C8A: variants seen among roughly 807,000 people sequenced by gnomAD.
C8A encodes the protein complement component C8 alpha chain.
In C8A, 67 loss-of-function variants were observed where a neutral mutation model predicts 65.3. That is an observed-to-expected ratio of 1.03 (90% CI 0.84 to 1.26). The LOEUF is 1.26. Ranked by LOEUF, C8A falls within the 50% of genes most tolerant of loss-of-function variation. The pLI is 0.00. For missense variants in C8A, 781 were observed against 723.9 expected, an observed-to-expected ratio of 1.08 and a Z score of -0.90; for synonymous variants, 290 against 259.4, an observed-to-expected ratio of 1.12 and a Z score of -1.13.
chr1:56,912,667 C>A, intron 10 of C8A, 42 bp downstream of exon 10: 1 of 1,577,834 alleles, frequency 6.3e-7, no homozygotes, highest in Non-Finnish European at 8.7e-7. Context: ...CCTGTCCCAG[C>A]TCAAAGGGGC....
intron 1 of C8A, among the ~76,000 whole-genome samples, chr1:56,860,668 A>G (rs961545074): frequency 6.6e-6 from 1 of 152,208 alleles, no homozygotes; most frequent in African/African-American, 2.4e-5. Context: ...GGCATTTGAT[A>G]GACATATCAA....
intron 5 of C8A, among the ~76,000 whole-genome samples, chr1:56,883,224 T>G (rs1486223927): frequency 2.9e-5 from 1 of 34,610 alleles, no homozygotes; most frequent in African/African-American, 6.4e-5. Context: ...CATCTGCATC[T>G]GTGTGTGTGT....
Position 56,900,163 on chromosome 1 carries a change from G to C in C8A, c.1097-6504G>C, listed in dbSNP as rs192102066. On this transcript the variant is annotated intron_variant, in intron 7 of 10. Transcript: ENST00000361249. ...TAGTCAGGGAATGAGGAGTTGGAAG[G>C]CTCCTTTCAGGACTACCATTGGCTA... Among the ~76,000 whole-genome samples, 139 of 152,204 alleles carry C rather than the reference G, an allele frequency of 9.1e-4. 1 individual carries two copies. Among genetic ancestry groups the C allele is most frequent in the Middle Eastern group, 3.4e-3 (1 of 294 alleles).
At chr1:56,893,253 A>G (rs544140388) in intron 7 of C8A, among the ~76,000 whole-genome samples, 2 of 152,300 alleles carry the variant, frequency 1.3e-5, no homozygotes, top group South Asian at 4.1e-4. Flanking sequence ...GCACTGTGAT[A>G]CCTTAAATAC....
intron 1 of C8A, 127 bp downstream of exon 1, chr1:56,855,105 A>C (rs1643960494): frequency 1.3e-6 from 1 of 779,546 alleles, no homozygotes; most frequent in African/African-American, 1.7e-5. Context: ...TGTTATTACT[A>C]CTCCTGTGGA....
chr1:56,855,633 TG>T (rs1419105742), intron 1 of C8A, among the ~76,000 whole-genome samples: 2 of 87,880 alleles, frequency 2.3e-5, no homozygotes, highest in Non-Finnish European at 4.3e-5. Context: ...GCTTGCTTCA[TG>T]GGTTTTTTTT....
chr1:56,905,513 G>C lies in C8A; in HGVS notation c.1097-1154G>C, dbSNP rs2101293727. 2.0e-5 allele frequency among the ~76,000 whole-genome samples: 3 copies of C among 152,264 alleles called. No homozygotes were observed. In the South Asian group the frequency reaches 6.2e-4, roughly 32 times the overall value. ...TACTGAACACGGCACACACCACATT[G>C]CTACGCTAACAAGACAATGGTGAAT... On this transcript the variant is annotated intron_variant, in intron 7 of 10. Transcript: ENST00000361249.
intron 8 of C8A, among the ~76,000 whole-genome samples, chr1:56,907,212 G>A (rs112436176): frequency 1.1e-4 from 17 of 152,282 alleles, no homozygotes; most frequent in African/African-American, 3.8e-4. Flanking sequence ...ATATTTTATG[G>A]CATTTCCTGA....
intron 7 of C8A, among the ~76,000 whole-genome samples, chr1:56,898,698 A>G (rs1345334226): frequency 6.6e-6 from 1 of 152,100 alleles, no homozygotes; most frequent in African/African-American, 2.4e-5. Flanking sequence ...GCTTGTGTCC[A>G]GTGTGCATCC....
intron 7 of C8A, among the ~76,000 whole-genome samples, chr1:56,895,034 G>T (rs1644378115): frequency 6.6e-6 from 1 of 152,114 alleles, no homozygotes; most frequent in African/African-American, 2.4e-5. Flanking sequence ...ACTTTATGAG[G>T]AATTATATTG....
chr1:56,908,024 A>C lies in C8A; in HGVS notation c.1291A>C (p.Ser431Arg), dbSNP rs1570352092. The C allele has an allele frequency of 1.9e-6, 3 of 1,614,134 alleles. No individual in the cohort carries two copies. The highest frequency in any genetic ancestry group is 2.5e-6 in the Non-Finnish European group (3 of 1,180,002). The change falls in exon 9 of 11, where the codon AGC (serine) becomes CGC (arginine). Residue 431 changes from serine (S) to arginine (R), a missense_variant. By Grantham distance (110) the Ser-to-Arg change is moderately radical. Transcript: ENST00000361249. ...GGTGCGAGGTGGCAGTTCTGGCTGG[A>C]GCGGTGGCTTGGCACAGAACAGGAG... ...SRVRGGSSGW[S>R]GGLAQNRSTI...
chr1:56,894,544 A>T (rs1471905699), intron 7 of C8A, among the ~76,000 whole-genome samples: 1 of 152,128 alleles, frequency 6.6e-6, no homozygotes, highest in Admixed American at 6.5e-5. Context: ...ATTATTGATC[A>T]TCTTATTCCA....
chr1:56,898,416 G>T (rs1468963052), intron 7 of C8A, among the ~76,000 whole-genome samples: 5 of 152,096 alleles, frequency 3.3e-5, no homozygotes, highest in Non-Finnish European at 7.4e-5. Flanking sequence ...CACCATTGGG[G>T]TGCACTATAC....
chr1:56,910,353 A>G (rs1416319156), intron 9 of C8A, among the ~76,000 whole-genome samples: 1 of 152,196 alleles, frequency 6.6e-6, no homozygotes, highest in Non-Finnish European at 1.5e-5. Flanking sequence ...CAAAACGGGA[A>G]CAAGATCACT....
intron 7 of C8A, among the ~76,000 whole-genome samples, chr1:56,906,085 T>C (rs1197877904): frequency 1.3e-5 from 2 of 152,210 alleles, no homozygotes; most frequent in Non-Finnish European, 2.9e-5. Context: ...AGCAAGACTT[T>C]GGCCTCTCTG....
intron 9 of C8A, 71 bp from the exon 10 acceptor site, chr1:56,912,332 G>A: frequency 6.9e-7 from 1 of 1,440,516 alleles, no homozygotes; most frequent in Non-Finnish European, 9.7e-7. Flanking sequence ...GAAGCTTGGT[G>A]GCCGGTTCTT....
rs1034434366 is a variant in C8A at position 56,908,254 on chromosome 1, T to C, written c.1380+141T>C. On this transcript the variant is annotated intron_variant, in intron 9 of 10. Transcript: ENST00000361249. ...GGCACACTGAACTAGTGGCCTTGCT[T>C]GTGCCTGACTCCAGGGAGTGCATGA... 5 of 992,512 alleles carry C rather than the reference T, an allele frequency of 5.0e-6. No homozygotes were observed. In the African/African-American group the frequency reaches 6.4e-5, roughly 13 times the overall value. 61.5% of individuals were successfully genotyped at this position (992,512 alleles called of 1,614,324 possible).
At chr1:56,863,264 AT>A (rs995097494) in intron 1 of C8A, among the ~76,000 whole-genome samples, 10 of 152,214 alleles carry the variant, frequency 6.6e-5, no homozygotes, top group African/African-American at 2.2e-4. Flanking sequence ...ACATTGAAAA[AT>A]TTATTGGAAT....
intron 6 of C8A, among the ~76,000 whole-genome samples, chr1:56,884,087 T>A (rs940263417): frequency 1.1e-4 from 16 of 149,730 alleles, no homozygotes; most frequent in Middle Eastern, 3.2e-3. Context: ...AAAAAAAAAA[T>A]TTCATTTTTC....
Sources: allele counts gnomAD v4.1 joint callset (sites outside exome capture counted in the v4.1 genomes callset), GRCh38; gene constraint gnomAD v4.1.1; transcripts MANE v1.5; gene names NCBI Gene and HGNC (gene_info 2026-07-23, HGNC 2026-07-21).